NRXN3: variants seen among roughly 807,000 people sequenced by gnomAD.
NRXN3 encodes neurexin III.
Under a neutral mutation model 137.6 loss-of-function variants are expected in NRXN3, and 32 were observed. That is an observed-to-expected ratio of 0.23 (90% CI 0.18 to 0.31). The LOEUF (loss-of-function observed/expected upper bound fraction) is 0.31. Among genes scored for constraint, NRXN3 ranks in the 10% least tolerant of loss-of-function variants. NRXN3 has a pLI of 1.00. For synonymous variants in NRXN3, 798 were observed against 784.5 expected (o/e 1.02, Z -0.29); for missense variants, 1,574 against 2,062.5 (o/e 0.76, Z 4.59).
At chr14:79,592,058 C>T (rs936469070) in intron 16 of NRXN3, among the ~76,000 whole-genome samples, 1 of 152,084 alleles carries the variant, frequency 6.6e-6, no homozygotes, top group African/African-American at 2.4e-5. Context: ...TTTTCAGTAC[C>T]CTGTAAAAGT....
At chr14:78,934,816 G>A (rs1028406718) in intron 10 of NRXN3, among the ~76,000 whole-genome samples, 4 of 151,916 alleles carry the variant, frequency 2.6e-5, no homozygotes, top group African/African-American at 9.7e-5. Flanking sequence ...GTTGTGGGGT[G>A]GGGGGAGTGG....
intron 8 of NRXN3, among the ~76,000 whole-genome samples, chr14:78,798,847 G>A (rs1359644069): frequency 6.6e-6 from 1 of 152,218 alleles, no homozygotes; most frequent in East Asian, 1.9e-4. Context: ...TGAAGCCACG[G>A]CCTGAGCTCT....
chr14:79,108,249 G>C (rs2052821504), intron 15 of NRXN3, among the ~76,000 whole-genome samples: 1 of 152,152 alleles, frequency 6.6e-6, no homozygotes. Flanking sequence ...CATTTTTCCT[G>C]AAGTACTTTG....
At chr14:79,059,549 G>A (rs1356951206) in intron 15 of NRXN3, among the ~76,000 whole-genome samples, 3 of 152,144 alleles carry the variant, frequency 2.0e-5, no homozygotes, top group African/African-American at 2.4e-5. Context: ...GAGCCACCGC[G>A]CCTGGCCTCA....
chr14:79,165,326 G>A (rs1174315342), intron 15 of NRXN3, among the ~76,000 whole-genome samples: 1 of 152,008 alleles, frequency 6.6e-6, no homozygotes, highest in Admixed American at 6.6e-5. Context: ...AGACAATTAA[G>A]TCTGTAGAAG....
chr14:78,903,777 G>A (rs1002934201), intron 10 of NRXN3, among the ~76,000 whole-genome samples: 6 of 152,022 alleles, frequency 3.9e-5, no homozygotes, highest in Non-Finnish European at 7.4e-5. Flanking sequence ...AACATACAAT[G>A]CTGGGAGCAA....
At chr14:79,211,207 A>G (rs2067613725) in intron 15 of NRXN3, among the ~76,000 whole-genome samples, 1 of 152,152 alleles carries the variant, frequency 6.6e-6, no homozygotes, top group Non-Finnish European at 1.5e-5. Context: ...CAGTTTTCTC[A>G]TCTTTAAAAT....
chr14:78,864,450 C>A (rs31361), intron 10 of NRXN3, among the ~76,000 whole-genome samples: 1 of 151,904 alleles, frequency 6.6e-6, no homozygotes, highest in South Asian at 2.1e-4. Context: ...GAAACTGAAA[C>A]CTAGCCAACA....
chr14:78,243,920 G>T lies in NRXN3; in HGVS notation c.709+118G>T. 5.4e-6 allele frequency: 4 copies of T among 738,098 alleles called. No individual in the cohort carries two copies. Among genetic ancestry groups the T allele is most frequent in the Non-Finnish European group, 6.6e-6 (3 of 456,034 alleles). 45.7% of individuals were successfully genotyped at this position (738,098 alleles called of 1,614,324 possible). A position where few individuals can be genotyped will look rare whatever the true frequency, so the allele number is the denominator to read the frequency against. On this transcript the variant is annotated intron_variant, in intron 2 of 20. Transcript: ENST00000335750. The surrounding 1 kb of genome is among the most constrained non-coding windows in gnomAD (Gnocchi z 4.2). ...CTTTAGCTGCATGTTAGATCACTGG[G>T]CCCCTTGCCCTAAGGAGGCAGTGGA...
At chr14:79,328,856 A>G (rs1450062736) in intron 15 of NRXN3, among the ~76,000 whole-genome samples, 3 of 152,180 alleles carry the variant, frequency 2.0e-5, no homozygotes, top group Admixed American at 6.5e-5. Flanking sequence ...TCACTTCTTG[A>G]TATACACATA....
rs779841498 is a variant in NRXN3 at position 78,645,145 on chromosome 14, C to T, written c.783C>T (p.Phe261=). Residue 261 remains phenylalanine, a synonymous_variant, in exon 5 of 21, where the codon TTC becomes TTT. Coordinates refer to ENST00000335750, the MANE Select transcript of NRXN3 (RefSeq NM_001330195.2). ...CTCGAGAGGAGAATGTGGCCACTTT[C>T]CGAGGCTCAGAGTATCTGTGCTACG... ...EQAREENVAT[F]RGSEYLCYDL... 6.4e-7 allele frequency: 1 copy of T among 1,572,300 alleles called. No individual in the cohort carries two copies. The highest frequency in any genetic ancestry group is 8.6e-7 in the Non-Finnish European group (1 of 1,165,556).
At chr14:79,225,292 CA>C (rs1389436955) in intron 15 of NRXN3, among the ~76,000 whole-genome samples, 1 of 152,102 alleles carries the variant, frequency 6.6e-6, no homozygotes, top group African/African-American at 2.4e-5. Flanking sequence ...AAGATAAAAC[CA>C]AAAGCCAAAG....
At position 79,643,296 on chromosome 14, in the gene NRXN3, C is replaced by T. The variant is rs553329249; in HGVS notation, c.3445-20482C>T. On this transcript the variant is annotated intron_variant, in intron 16 of 20. Coordinates refer to ENST00000335750, the MANE Select transcript of NRXN3 (RefSeq NM_001330195.2). ...TAGCTGCTACTATTCCTCCTGTCTT[C>T]CTGTCTCAGAGGAAAAATTTGCTTA... 2.5e-4 allele frequency among the ~76,000 whole-genome samples: 34 copies of T among 135,908 alleles called. 2 individuals are homozygous for T. The highest frequency in any genetic ancestry group is 8.3e-4 in the African/African-American group (34 of 40,876). The allele number at this position is 135,908 out of a possible 152,430, so 89.2% of individuals were successfully genotyped here.
At chr14:78,720,287 G>T (rs1464579089) in intron 8 of NRXN3, among the ~76,000 whole-genome samples, 1 of 152,098 alleles carries the variant, frequency 6.6e-6, no homozygotes, top group Non-Finnish European at 1.5e-5. Context: ...ATCTCCATTT[G>T]GATATCTGAT....
chr14:79,672,262 T>C (rs552786898), intron 17 of NRXN3, among the ~76,000 whole-genome samples: 144 of 152,168 alleles, frequency 9.5e-4, no homozygotes, highest in African/African-American at 3.4e-3. Context: ...ATCATATTTA[T>C]TTAGCCATAT....
chr14:79,589,512 A>G (rs1357458378), intron 16 of NRXN3, among the ~76,000 whole-genome samples: 1 of 150,330 alleles, frequency 6.7e-6, no homozygotes, highest in African/African-American at 2.4e-5. Flanking sequence ...AATATTCAGA[A>G]TAATGAACAC....
At chr14:79,700,921 T>A (rs1043195414) in intron 19 of NRXN3, among the ~76,000 whole-genome samples, 1 of 152,062 alleles carries the variant, frequency 6.6e-6, no homozygotes, top group Non-Finnish European at 1.5e-5. Context: ...TTTTAAAAAA[T>A]TTAAGATGTG....
intron 15 of NRXN3, among the ~76,000 whole-genome samples, chr14:79,259,447 C>CTAAAACCCTTATCTGCAGGGAACG (rs1473927550): frequency 1.3e-5 from 2 of 151,516 alleles, no homozygotes; most frequent in African/African-American, 4.9e-5. Context: ...TAGTGTTTTT[C>CTAAAACCCTTATCTGCAGGGAACG]TAAAACCCTT....
chr14:78,216,238 G>T (rs571586850), intron 1 of NRXN3, among the ~76,000 whole-genome samples: 22 of 151,910 alleles, frequency 1.4e-4, no homozygotes, highest in Non-Finnish European at 2.8e-4. Flanking sequence ...TCTTTTCTGG[G>T]GCTAATTGTC....
Sources: gnomAD v4.1 joint callset for allele counts (sites outside exome capture counted in the v4.1 genomes callset) on GRCh38, gnomAD v4.1.1 for gene constraint, Gnocchi (gnomAD v3.1) non-coding constraint, MANE v1.5 for transcripts, NCBI Gene and HGNC (gene_info 2026-07-23, HGNC 2026-07-21) for gene names.